The following CD44 variants were observed in gnomAD, a reference collection of about 807,000 sequenced individuals.
CD44 encodes CD44 antigen.
Under a neutral mutation model 88.8 loss-of-function variants are expected in CD44, and 49 were observed. That is an observed-to-expected ratio of 0.55 (90% CI 0.44 to 0.70). The LOEUF is 0.70. Ranked by LOEUF, CD44 falls within the 30% of genes least tolerant of loss-of-function variation. CD44 has a pLI of 0.00. For synonymous variants in CD44, 325 were observed against 312.3 expected, an observed-to-expected ratio of 1.04 and a Z score of -0.43; for missense variants, 883 against 913.8, an observed-to-expected ratio of 0.97 and a Z score of 0.43.
At chr11:35,189,781 A>T in intron 4 of CD44, 54 bp from the exon 5 acceptor site, 1 of 1,187,414 alleles carries the variant, frequency 8.4e-7, no homozygotes, top group Non-Finnish European at 1.2e-6. Context: ...ACGCTAATCC[A>T]CATACTCAAA....
intron 1 of CD44, among the ~76,000 whole-genome samples, chr11:35,166,463 G>A (rs1943280700): frequency 6.6e-6 from 1 of 151,896 alleles, no homozygotes. Flanking sequence ...GGACAGTACT[G>A]TTCTCCAAAC....
chr11:35,224,424 GAGA>G (rs1381778690), intron 17 of CD44, among the ~76,000 whole-genome samples: 1 of 152,144 alleles, frequency 6.6e-6, no homozygotes, highest in African/African-American at 2.4e-5. Flanking sequence ...TGAGGCTCCA[GAGA>G]AGATTTTCCT....
chr11:35,218,346 G>T (rs1191561606), intron 15 of CD44, among the ~76,000 whole-genome samples: 1 of 152,060 alleles, frequency 6.6e-6, no homozygotes, highest in Non-Finnish European at 1.5e-5. Context: ...TTTATTTATT[G>T]TGAGGTGGAG....
intron 17 of CD44, among the ~76,000 whole-genome samples, chr11:35,224,691 T>TA (rs1304599937): frequency 5.9e-5 from 9 of 152,078 alleles, no homozygotes; most frequent in Non-Finnish European, 1.2e-4. Context: ...TGAGCCATGA[T>TA]AGTGCCACTA....
intron 13 of CD44, 103 bp from the exon 14 acceptor site, chr11:35,211,143 A>G (rs1948352015): frequency 1.2e-6 from 1 of 827,512 alleles, no homozygotes; most frequent in South Asian, 1.5e-5. Flanking sequence ...TTTATGGATA[A>G]CAAGTGGAAA....
intron 5 of CD44, among the ~76,000 whole-genome samples, chr11:35,191,810 G>C (rs1195178455): frequency 1.3e-5 from 2 of 152,144 alleles, no homozygotes; most frequent in East Asian, 1.9e-4. Context: ...CTTAAGAACT[G>C]TATCTTCCCT....
chr11:35,181,860 TTTA>T (rs1224457654), intron 3 of CD44, among the ~76,000 whole-genome samples: 5 of 64,776 alleles, frequency 7.7e-5, no homozygotes, highest in Non-Finnish European at 1.1e-4. Context: ...TATATATAAA[TTTA>T]TATATATATA....
At chr11:35,155,640 G>C (rs563942472) in intron 1 of CD44, among the ~76,000 whole-genome samples, 7 of 152,298 alleles carry the variant, frequency 4.6e-5, no homozygotes, top group African/African-American at 1.7e-4. Context: ...GAAATAGCCA[G>C]TCTTCTGCAC....
At chr11:35,164,697 C>T (rs542195662) in intron 1 of CD44, among the ~76,000 whole-genome samples, 2 of 152,320 alleles carry the variant, frequency 1.3e-5, no homozygotes, top group East Asian at 3.9e-4. Flanking sequence ...TTGCTATCTC[C>T]TCTGCAGAGT....
chr11:35,222,723 C>T, intron 17 of CD44: 11 of 957,056 alleles, frequency 1.1e-5, no homozygotes, highest in Non-Finnish European at 1.4e-5. Flanking sequence ...ATTTCTTACC[C>T]AAGACACTTT....
rs1565121627 is a variant in CD44 at position 35,201,182 on chromosome 11, C to T, written c.1023C>T (p.Thr341=). 6 of 1,609,846 alleles carry T rather than the reference C, an allele frequency of 3.7e-6. No homozygotes were observed. The highest frequency in any genetic ancestry group is 3.3e-5 in the Admixed American group (2 of 60,010). The part of the protein sequence containing the change: ...HSNPEVLLQT[T]TRMTDVDRNG... ...ATCCGGAAGTGCTACTTCAGACAAC[C>T]ACAAGGATGACTGGTAATGGGTTCT... is the stretch of plus-strand genomic sequence containing the variant. The change falls in exon 8 of 18, where the codon ACC becomes ACT. Residue 341 remains threonine, a synonymous_variant. Transcript: ENST00000428726.
At chr11:35,197,748 A>C (rs1198885974) in intron 6 of CD44, 1 of 163,214 alleles carries the variant, frequency 6.1e-6, no homozygotes, top group East Asian at 1.7e-4. Context: ...GGCACGTGTG[A>C]AACCTTTCCA....
intron 15 of CD44, 52 bp from the exon 16 acceptor site, chr11:35,219,264 T>C: frequency 7.2e-7 from 1 of 1,379,656 alleles, no homozygotes; most frequent in South Asian, 1.2e-5. Context: ...CACAAGGAAC[T>C]CATGGTTACA....
At chr11:35,163,445 G>A (rs558269579) in intron 1 of CD44, among the ~76,000 whole-genome samples, 1 of 152,158 alleles carries the variant, frequency 6.6e-6, no homozygotes, top group Admixed American at 6.5e-5. Context: ...TGGGGAAAGG[G>A]GTAAAAAAGC....
At chr11:35,213,694 G>C (rs923177137) in intron 14 of CD44, 1 of 152,066 alleles carries the variant, frequency 6.6e-6, no homozygotes, top group Non-Finnish European at 1.5e-5. Context: ...TGGCAGTGGT[G>C]GTGGTGGTGA....
At chr11:35,195,089 G>GGT (rs1165371438) in intron 5 of CD44, among the ~76,000 whole-genome samples, 1 of 152,126 alleles carries the variant, frequency 6.6e-6, no homozygotes, top group Non-Finnish European at 1.5e-5. Flanking sequence ...CAGCTCCCTG[G>GGT]GTGTGTGGCT....
chr11:35,147,708 C>A (rs185771530), intron 1 of CD44, among the ~76,000 whole-genome samples: 1 of 151,976 alleles, frequency 6.6e-6, no homozygotes, highest in Non-Finnish European at 1.5e-5. Context: ...TGGAACTAGG[C>A]AGCATCTTTT....
intron 1 of CD44, among the ~76,000 whole-genome samples, chr11:35,166,104 T>G (rs745447708): frequency 3.1e-4 from 47 of 152,172 alleles, no homozygotes; most frequent in Non-Finnish European, 5.0e-4. Context: ...AAAACCCTAT[T>G]TGGGCCCCAA....
intron 1 of CD44, among the ~76,000 whole-genome samples, chr11:35,158,917 G>T (rs1942251946): frequency 6.6e-6 from 1 of 152,234 alleles, no homozygotes; most frequent in Non-Finnish European, 1.5e-5. Context: ...CCCCAAGGCT[G>T]CTTGTCTCAG....
Sources: gnomAD v4.1 joint callset for allele counts (sites outside exome capture counted in the v4.1 genomes callset) on GRCh38, gnomAD v4.1.1 for gene constraint, MANE v1.5 for transcripts, NCBI Gene and HGNC (gene_info 2026-07-23, HGNC 2026-07-21) for gene names.